Variants in FARP1 observed in about 807,000 individuals in gnomAD.
FARP1 encodes the protein FERM, ARH/RhoGEF and pleckstrin domain protein 1.
Under a neutral mutation model 128.8 loss-of-function variants are expected in FARP1, and 52 were observed. The ratio of observed to expected loss-of-function variants is 0.40; its 90% CI spans 0.32 to 0.51. The LOEUF (loss-of-function observed/expected upper bound fraction) is 0.51. FARP1 is among the 20% of genes least tolerant of loss of function. The pLI is 0.45. For missense variants in FARP1, 1,333 were observed against 1,367.9 expected, an observed-to-expected ratio of 0.97 and a Z score of 0.40; for synonymous variants, 580 against 551.8, an observed-to-expected ratio of 1.05 and a Z score of -0.72.
chr13:98,440,309 C>T, intron 23 of FARP1, 74 bp downstream of exon 23: 1 of 1,090,888 alleles, frequency 9.2e-7, no homozygotes, highest in Non-Finnish European at 1.4e-6. Flanking sequence ...CATCTAAAGC[C>T]ACCCCATCGG....
chr13:98,387,028 C>T (rs189126304), intron 8 of FARP1, among the ~76,000 whole-genome samples: 38 of 152,254 alleles, frequency 2.5e-4, no homozygotes, highest in East Asian at 2.1e-3. Flanking sequence ...AGGCCGGGCG[C>T]GGTCGCTCAC....
intron 2 of FARP1, among the ~76,000 whole-genome samples, chr13:98,297,515 G>C (rs148685621): frequency 2.0e-5 from 3 of 152,320 alleles, no homozygotes; most frequent in African/African-American, 7.2e-5. Flanking sequence ...TAGAGAGAAA[G>C]GGTGAATTAC....
intron 3 of FARP1, among the ~76,000 whole-genome samples, chr13:98,354,747 C>T (rs902830325): frequency 1.1e-4 from 16 of 152,144 alleles, no homozygotes; most frequent in African/African-American, 3.9e-4. Flanking sequence ...AACTGGAAAT[C>T]GCACATGTGC....
intron 2 of FARP1, among the ~76,000 whole-genome samples, chr13:98,307,565 C>T (rs7326675): frequency 0.26 from 38,881 of 152,004 alleles, 5,446 homozygotes; most frequent in South Asian, 0.32. Context: ...AGATTTCCAC[C>T]GCAGGCTCAC....
At chr13:98,211,440 C>T (rs952688040) in intron 1 of FARP1, among the ~76,000 whole-genome samples, 37 of 146,814 alleles carry the variant, frequency 2.5e-4, no homozygotes, top group Non-Finnish European at 4.8e-4. Flanking sequence ...ACCATTGCCT[C>T]TACTTTGTCT....
chr13:98,342,510 C>A (rs1888012768), intron 2 of FARP1, among the ~76,000 whole-genome samples: 1 of 151,562 alleles, frequency 6.6e-6, no homozygotes, highest in Non-Finnish European at 1.5e-5. Context: ...ACCAGCCTGA[C>A]CAACATGGTG....
intron 1 of FARP1, among the ~76,000 whole-genome samples, chr13:98,160,277 C>T (rs918365999): frequency 6.6e-6 from 1 of 152,154 alleles, no homozygotes; most frequent in Non-Finnish European, 1.5e-5. Flanking sequence ...TGCCAGCACT[C>T]TGGCAGGTGT....
intron 2 of FARP1, among the ~76,000 whole-genome samples, chr13:98,280,670 A>G (rs2139621898): frequency 6.6e-6 from 1 of 152,316 alleles, no homozygotes; most frequent in East Asian, 1.9e-4. Context: ...TCAAATCCTA[A>G]GTTTGACAAA....
intron 2 of FARP1, among the ~76,000 whole-genome samples, chr13:98,270,267 A>G (rs1253189322): frequency 6.6e-6 from 1 of 152,186 alleles, no homozygotes; most frequent in East Asian, 1.9e-4. Context: ...GTCAAGGTCC[A>G]TCCTTGGTCT....
intron 19 of FARP1, 143 bp from the exon 20 acceptor site, chr13:98,438,661 C>T (rs970997404): frequency 3.4e-5 from 22 of 647,778 alleles, no homozygotes; most frequent in Middle Eastern, 4.3e-4. Flanking sequence ...TAGGTTTGCA[C>T]GCTCGCAGTC....
rs183039490 is a variant in FARP1, at chr13:98,318,711, C to G, written c.172-25051C>G. Among the ~76,000 whole-genome samples the G allele has an allele frequency of 9.5e-4, 145 of 152,290 alleles. 1 individual carries two copies. The highest frequency in any genetic ancestry group is 3.4e-3 in the African/African-American group (141 of 41,578). ...GTTGCCCAGACTGCCACCACCCCAC[C>G]CAGCAGTCTGCCTTCTCTTTGATGT... On this transcript the variant is annotated intron_variant, in intron 2 of 26. Transcript: ENST00000319562.
chr13:98,308,014 G>A (rs1295898575), intron 2 of FARP1, among the ~76,000 whole-genome samples: 17 of 99,196 alleles, frequency 1.7e-4, no homozygotes, highest in African/African-American at 6.5e-4. Flanking sequence ...GCCCCCCTCC[G>A]CCCGCCCCCA....
chr13:98,202,899 T>C (rs1399534801), intron 1 of FARP1, among the ~76,000 whole-genome samples: 1 of 152,048 alleles, frequency 6.6e-6, no homozygotes, highest in Non-Finnish European at 1.5e-5. Flanking sequence ...TTTAAATTTT[T>C]TGTGGAGACG....
chr13:98,201,385 T>C (rs1863687653), intron 1 of FARP1, among the ~76,000 whole-genome samples: 1 of 152,284 alleles, frequency 6.6e-6, no homozygotes, highest in South Asian at 2.1e-4. Flanking sequence ...GAGGTTACAG[T>C]GAGCAGTGAG....
At chr13:98,427,593 G>A (rs1244537588) in intron 17 of FARP1, among the ~76,000 whole-genome samples, 4 of 152,190 alleles carry the variant, frequency 2.6e-5, no homozygotes, top group Non-Finnish European at 5.9e-5. Context: ...AGTGTCCTTC[G>A]TGCCTTCTCC....
At position 98,355,276 on chromosome 13, in the gene FARP1, G is replaced by A. The variant is rs1319524352; in HGVS notation, c.277-10119G>A. Among the ~76,000 whole-genome samples the A allele has an allele frequency of 6.6e-5, 10 of 152,072 alleles. No individual in the cohort carries two copies. The East Asian group carries it at 1.9e-3, about 29-fold the overall frequency. On this transcript the variant is annotated intron_variant, in intron 3 of 26. Transcript: ENST00000319562. The stretch of plus-strand genomic sequence containing the variant: ...CAAGAGGATCACTTGAACCCAGAAG[G>A]TAGAGGTTTCATTGAGCCAAGATCG...
At chr13:98,415,081 G>A (rs757633678) in intron 16 of FARP1, among the ~76,000 whole-genome samples, 10 of 152,234 alleles carry the variant, frequency 6.6e-5, no homozygotes, top group Non-Finnish European at 1.2e-4. Context: ...TCTCAGGGGT[G>A]CTCCAGCAGA....
chr13:98,176,033 C>T lies in FARP1; in HGVS notation c.-24+32541C>T. 2.3e-6 allele frequency: 2 copies of T among 855,910 alleles called. No homozygotes were observed. Among genetic ancestry groups the T allele is most frequent in the Admixed American group, 2.3e-5 (1 of 43,536 alleles). 53.0% of individuals were successfully genotyped at this position (855,910 alleles called of 1,614,324 possible). ...TGCAGTGAACATGGGAGTGCACATA[C>T]CTCTTTGAGATCCGGATTTCAATTC... On this transcript the variant is annotated intron_variant, in intron 1 of 26. Coordinates refer to ENST00000319562, the MANE Select transcript of FARP1 (RefSeq NM_005766.4). The surrounding 1 kb of genome is among the most constrained non-coding windows in gnomAD (Gnocchi z 6.2).
At chr13:98,294,819 C>T (rs1463690814) in intron 2 of FARP1, among the ~76,000 whole-genome samples, 1 of 152,022 alleles carries the variant, frequency 6.6e-6, no homozygotes, top group Non-Finnish European at 1.5e-5. Context: ...GAGTTCAAGA[C>T]CAGCCTGGCC....
Sources: allele counts gnomAD v4.1 joint callset (sites outside exome capture counted in the v4.1 genomes callset), GRCh38; gene constraint gnomAD v4.1.1; non-coding constraint Gnocchi (gnomAD v3.1); transcripts MANE v1.5; gene names NCBI Gene and HGNC (gene_info 2026-07-23, HGNC 2026-07-21).